FHIT: variants seen among roughly 807,000 people sequenced by gnomAD.
FHIT encodes the protein fragile histidine triad diadenosine triphosphatase.
In FHIT, 19 loss-of-function variants were observed where a neutral mutation model predicts 17.9. That is an observed-to-expected ratio of 1.06 (90% CI 0.74 to 1.56). The LOEUF (loss-of-function observed/expected upper bound fraction) is 1.56. Among genes scored for constraint, FHIT ranks in the 40% most tolerant of loss-of-function variants. FHIT has a pLI of 0.00. For synonymous variants in FHIT, 81 were observed against 69.7 expected (o/e 1.16, Z -0.81); for missense variants, 248 against 189.2 (o/e 1.31, Z -1.82).
intron 5 of FHIT, among the ~76,000 whole-genome samples, chr3:60,472,438 G>C (rs1164508729): frequency 6.8e-6 from 1 of 148,020 alleles, no homozygotes; most frequent in African/African-American, 2.5e-5. Context: ...GCGTGATCTC[G>C]GCTCACTGCA....
At chr3:60,908,614 T>C (rs199749045) in intron 3 of FHIT, among the ~76,000 whole-genome samples, 2 of 149,634 alleles carry the variant, frequency 1.3e-5, no homozygotes, top group Admixed American at 1.3e-4. Context: ...ACAAAGGCGG[T>C]TGTACTATAA....
chr3:60,375,266 T>C (rs937375977), intron 5 of FHIT, among the ~76,000 whole-genome samples: 1 of 152,070 alleles, frequency 6.6e-6, no homozygotes, highest in Non-Finnish European at 1.5e-5. Flanking sequence ...TTTGTATCAT[T>C]ACATCAATAT....
intron 5 of FHIT, among the ~76,000 whole-genome samples, chr3:60,452,402 A>T (rs1169542162): frequency 6.6e-6 from 1 of 152,182 alleles, no homozygotes; most frequent in Admixed American, 6.6e-5. Context: ...TGTACCCAAG[A>T]TGACTAAATT....
At chr3:60,126,500 T>A (rs537899929) in intron 5 of FHIT, among the ~76,000 whole-genome samples, 120 of 152,178 alleles carry the variant, frequency 7.9e-4, no homozygotes, top group Non-Finnish European at 1.6e-3. Context: ...ACAGCTACCG[T>A]TTATTGGACA....
chr3:59,825,484 C>G (rs527690049), intron 8 of FHIT, among the ~76,000 whole-genome samples: 1 of 152,178 alleles, frequency 6.6e-6, no homozygotes, highest in African/African-American at 2.4e-5. Flanking sequence ...TTTCACTTCA[C>G]TTTTGGCCTC....
intron 3 of FHIT, among the ~76,000 whole-genome samples, chr3:61,011,542 T>C (rs1054761275): frequency 2.0e-5 from 3 of 152,180 alleles, no homozygotes; most frequent in African/African-American, 7.2e-5. Flanking sequence ...TCTTCTGCTT[T>C]ATACAGTCTA....
intron 5 of FHIT, among the ~76,000 whole-genome samples, chr3:60,079,143 G>C (rs987990687): frequency 2.0e-5 from 3 of 152,082 alleles, no homozygotes; most frequent in Non-Finnish European, 4.4e-5. Context: ...GAAGCACACA[G>C]TAAGTATAGC....
At chr3:60,560,138 G>C (rs371496048) in intron 4 of FHIT, among the ~76,000 whole-genome samples, 4 of 152,054 alleles carry the variant, frequency 2.6e-5, no homozygotes, top group African/African-American at 7.2e-5. Flanking sequence ...ACAATTGTAG[G>C]TTCCATTTGG....
intron 2 of FHIT, among the ~76,000 whole-genome samples, chr3:61,123,348 T>G (rs767551571): frequency 2.0e-5 from 3 of 152,110 alleles, no homozygotes; most frequent in Non-Finnish European, 4.4e-5. Flanking sequence ...CTGGGGCCTT[T>G]CAGTGGCTGG....
At chr3:60,129,067 T>C (rs1004810760) in intron 5 of FHIT, among the ~76,000 whole-genome samples, 3 of 147,112 alleles carry the variant, frequency 2.0e-5, no homozygotes, top group Admixed American at 6.7e-5. Flanking sequence ...TTTTTTTTTT[T>C]TTTGAAACAG....
At chr3:60,445,586 A>C (rs1196979869) in intron 5 of FHIT, among the ~76,000 whole-genome samples, 2 of 152,006 alleles carry the variant, frequency 1.3e-5, no homozygotes, top group African/African-American at 4.8e-5. Context: ...CATTTGAGAG[A>C]GGTGTGAACA....
chr3:60,701,950 A>C (rs1281668445), intron 4 of FHIT, among the ~76,000 whole-genome samples: 1 of 152,222 alleles, frequency 6.6e-6, no homozygotes, highest in Non-Finnish European at 1.5e-5. Context: ...TGGAATCAGT[A>C]AGGTCAGATC....
At chr3:60,809,704 CAG>C (rs1701511245) in intron 4 of FHIT, among the ~76,000 whole-genome samples, 1 of 152,250 alleles carries the variant, frequency 6.6e-6, no homozygotes, top group Non-Finnish European at 1.5e-5. Context: ...GCCCAGAAAT[CAG>C]AGTTTTTAAC....
intron 2 of FHIT, among the ~76,000 whole-genome samples, chr3:61,179,647 G>T (rs2038271764): frequency 7.0e-6 from 1 of 143,352 alleles, no homozygotes; most frequent in Non-Finnish European, 1.5e-5. Flanking sequence ...AGTCAAGGCT[G>T]CTGTGAGCTA....
chr3:60,220,859 T>C (rs771017811), intron 5 of FHIT, among the ~76,000 whole-genome samples: 6 of 152,178 alleles, frequency 3.9e-5, no homozygotes, highest in South Asian at 2.1e-4. Context: ...CCACAGTCGA[T>C]GCCATTTCCA....
chr3:60,991,594 T>C (rs2030222530), intron 3 of FHIT, among the ~76,000 whole-genome samples: 1 of 152,140 alleles, frequency 6.6e-6, no homozygotes, highest in Non-Finnish European at 1.5e-5. Context: ...ATAGTGCTAG[T>C]CAGAAAACCT....
At chr3:60,068,052 G>A (rs536949249) in intron 5 of FHIT, among the ~76,000 whole-genome samples, 1 of 151,894 alleles carries the variant, frequency 6.6e-6, no homozygotes, top group African/African-American at 2.4e-5. Context: ...CCTGGTCAAC[G>A]TGGTGAAACC....
intron 3 of FHIT, among the ~76,000 whole-genome samples, chr3:60,896,175 C>G (rs1705811157): frequency 6.6e-6 from 1 of 152,100 alleles, no homozygotes; most frequent in African/African-American, 2.4e-5. Context: ...TATCCCCGCT[C>G]CCCTGCCACC....
intron 5 of FHIT, among the ~76,000 whole-genome samples, chr3:60,533,133 C>G (rs2035848058): frequency 2.0e-5 from 3 of 152,206 alleles, no homozygotes; most frequent in African/African-American, 7.2e-5. Flanking sequence ...ATTTAACTCC[C>G]TACACTCACA....
Sources: allele counts gnomAD v4.1 joint callset (sites outside exome capture counted in the v4.1 genomes callset), GRCh38; gene constraint gnomAD v4.1.1; transcripts MANE v1.5; gene names NCBI Gene and HGNC (gene_info 2026-07-23, HGNC 2026-07-21).